The following MACROD2 variants were observed in gnomAD, a reference collection of about 807,000 sequenced individuals.
The protein encoded by MACROD2 is ADP-ribose glycohydrolase MACROD2.
A neutral mutation model predicts 70.4 loss-of-function variants in MACROD2; 36 were observed. That is an observed-to-expected ratio of 0.51 (90% CI 0.39 to 0.68). MACROD2 has a LOEUF of 0.68. Among genes scored for constraint, MACROD2 ranks in the 30% least tolerant of loss-of-function variants. The pLI is 0.00. For synonymous variants in MACROD2, 172 were observed against 178.8 expected, an observed-to-expected ratio of 0.96 and a Z score of 0.30; for missense variants, 496 against 538.4, an observed-to-expected ratio of 0.92 and a Z score of 0.78.
chr20:15,051,997 C>T (rs548442773), intron 5 of MACROD2, among the ~76,000 whole-genome samples: 22 of 152,292 alleles, frequency 1.4e-4, no homozygotes, highest in African/African-American at 4.3e-4. Context: ...GTGATCCGCC[C>T]GTCCCGGCCT....
intron 8 of MACROD2, among the ~76,000 whole-genome samples, chr20:15,659,018 A>G (rs1483346173): frequency 1.3e-5 from 2 of 152,238 alleles, no homozygotes; most frequent in African/African-American, 4.8e-5. Context: ...TAAGGATTAA[A>G]TCCAAATTTG....
At chr20:16,001,901 T>C (rs2066714308) in intron 15 of MACROD2, among the ~76,000 whole-genome samples, 1 of 152,072 alleles carries the variant, frequency 6.6e-6, no homozygotes, top group South Asian at 2.1e-4. Context: ...TTTTACACTT[T>C]GTTACATTAC....
intron 8 of MACROD2, among the ~76,000 whole-genome samples, chr20:15,711,817 T>C (rs1477617893): frequency 2.0e-5 from 3 of 152,204 alleles, no homozygotes; most frequent in African/African-American, 7.2e-5. Flanking sequence ...AAGGTTCCCA[T>C]TTTGCTGAAT....
intron 5 of MACROD2, among the ~76,000 whole-genome samples, chr20:15,086,932 A>G (rs1601052457): frequency 6.6e-6 from 1 of 152,118 alleles, no homozygotes; most frequent in Admixed American, 6.6e-5. Flanking sequence ...TGGTCCTTCC[A>G]TATTTTTCTA....
intron 3 of MACROD2, chr20:14,325,730 A>C: frequency 6.2e-7 from 1 of 1,613,928 alleles, no homozygotes; most frequent in African/African-American, 1.3e-5. Flanking sequence ...ATCTGAAAAG[A>C]AGTTTCCCTG....
intron 5 of MACROD2, among the ~76,000 whole-genome samples, chr20:14,859,633 C>G (rs1219762324): frequency 6.6e-6 from 1 of 152,080 alleles, no homozygotes; most frequent in African/African-American, 2.4e-5. Flanking sequence ...CTTTTTTAAA[C>G]CATTGACAAC....
At chr20:14,997,109 G>C (rs550875647) in intron 5 of MACROD2, among the ~76,000 whole-genome samples, 1 of 152,272 alleles carries the variant, frequency 6.6e-6, no homozygotes, top group South Asian at 2.1e-4. Flanking sequence ...ACCTCAGGCA[G>C]TGCAGCTCAC....
chr20:15,563,798 G>T (rs914206782), intron 8 of MACROD2, among the ~76,000 whole-genome samples: 4 of 152,264 alleles, frequency 2.6e-5, no homozygotes, highest in Admixed American at 1.3e-4. Flanking sequence ...ATAGCACATT[G>T]TTTGTCTTAC....
chr20:15,970,843 C>T (rs917782278), intron 13 of MACROD2, among the ~76,000 whole-genome samples: 2 of 152,082 alleles, frequency 1.3e-5, no homozygotes, highest in Non-Finnish European at 2.9e-5. Context: ...TGGAAAGCCT[C>T]AACATTCATA....
At chr20:14,593,570 T>G (rs2123384004) in intron 4 of MACROD2, among the ~76,000 whole-genome samples, 1 of 152,302 alleles carries the variant, frequency 6.6e-6, no homozygotes, top group Admixed American at 6.5e-5. Flanking sequence ...TTATTTCCTT[T>G]TGGCTGACAG....
intron 15 of MACROD2, among the ~76,000 whole-genome samples, chr20:16,024,418 C>G (rs1165517628): frequency 6.6e-6 from 1 of 151,908 alleles, no homozygotes; most frequent in African/African-American, 2.4e-5. Context: ...TAACAAATAG[C>G]TATAAAAAAT....
intron 5 of MACROD2, among the ~76,000 whole-genome samples, chr20:14,718,488 C>G (rs2071424461): frequency 6.6e-6 from 1 of 151,830 alleles, no homozygotes; most frequent in Non-Finnish European, 1.5e-5. Context: ...GATACAGAAC[C>G]CCCAACACTC....
At chr20:14,962,961 A>T (rs962233802) in intron 5 of MACROD2, among the ~76,000 whole-genome samples, 33 of 152,284 alleles carry the variant, frequency 2.2e-4, no homozygotes, top group African/African-American at 7.7e-4. Flanking sequence ...CCATGGAGAA[A>T]GCCTGTTCGG....
chr20:14,750,376 A>G (rs1433699331), intron 5 of MACROD2, among the ~76,000 whole-genome samples: 1 of 152,146 alleles, frequency 6.6e-6, no homozygotes, highest in Non-Finnish European at 1.5e-5. Context: ...AGTAATTTAC[A>G]TTTATTAGAA....
chr20:14,121,628 A>G (rs1010357834), intron 3 of MACROD2, among the ~76,000 whole-genome samples: 15 of 152,194 alleles, frequency 9.9e-5, no homozygotes, highest in African/African-American at 3.6e-4. Context: ...CTCTATAAGT[A>G]GTATTATACT....
At chr20:14,063,361 A>T (rs562535040) in intron 2 of MACROD2, among the ~76,000 whole-genome samples, 1 of 152,316 alleles carries the variant, frequency 6.6e-6, no homozygotes, top group South Asian at 2.1e-4. Flanking sequence ...GGCTCTATCC[A>T]TCTTATTTCT....
chr20:14,137,116 A>G (rs2054808844), intron 3 of MACROD2, among the ~76,000 whole-genome samples: 1 of 152,110 alleles, frequency 6.6e-6, no homozygotes, highest in Non-Finnish European at 1.5e-5. Context: ...TTAGGGGCAC[A>G]GACGTTCTAC....
At chr20:14,107,749 G>A (rs554750957) in intron 3 of MACROD2, among the ~76,000 whole-genome samples, 1 of 151,848 alleles carries the variant, frequency 6.6e-6, no homozygotes, top group Non-Finnish European at 1.5e-5. Context: ...CAAATCTGAT[G>A]GAAAAAACCC....
At chr20:14,860,103 A>T (rs147003832) in intron 5 of MACROD2, among the ~76,000 whole-genome samples, 171 of 152,276 alleles carry the variant, frequency 1.1e-3, no homozygotes, top group African/African-American at 4.0e-3. Context: ...AAGGTTCCTG[A>T]ATAAATCTCA....
Sources: gnomAD v4.1 joint callset for allele counts (sites outside exome capture counted in the v4.1 genomes callset) on GRCh38, gnomAD v4.1.1 for gene constraint, MANE v1.5 for transcripts, NCBI Gene and HGNC (gene_info 2026-07-23, HGNC 2026-07-21) for gene names.